UHRF2: variants seen among roughly 807,000 people sequenced by gnomAD.
UHRF2 encodes the protein ubiquitin like with PHD and ring finger domains 2.
A neutral mutation model predicts 96.8 loss-of-function variants in UHRF2; 23 were observed. The observed-to-expected ratio is 0.24, with a 90% CI of 0.17 to 0.34. The LOEUF (loss-of-function observed/expected upper bound fraction) is 0.34, where lower values mean the gene tolerates loss of function less well. Ranked by LOEUF, UHRF2 falls within the 10% of genes least tolerant of loss-of-function variation. The pLI is 1.00. For synonymous variants in UHRF2, 385 were observed against 332.6 expected, an observed-to-expected ratio of 1.16 and a Z score of -1.72; for missense variants, 685 against 981.5, an observed-to-expected ratio of 0.70 and a Z score of 4.04.
At chr9:6,452,797 G>A (rs1358896031) in intron 3 of UHRF2, among the ~76,000 whole-genome samples, 1 of 152,066 alleles carries the variant, frequency 6.6e-6, no homozygotes, top group African/African-American at 2.4e-5. Context: ...GGTGCTTCTG[G>A]GACATTTCAG....
At chr9:6,421,934 G>A (rs1439990168) in intron 2 of UHRF2, among the ~76,000 whole-genome samples, 1 of 152,140 alleles carries the variant, frequency 6.6e-6, no homozygotes, top group Non-Finnish European at 1.5e-5. Context: ...ATATAGCTGT[G>A]TTTTATTCCT....
intron 3 of UHRF2, among the ~76,000 whole-genome samples, chr9:6,441,313 G>A (rs1256246499): frequency 6.6e-6 from 1 of 151,994 alleles, no homozygotes; most frequent in Non-Finnish European, 1.5e-5. Flanking sequence ...GGTGGAGGTT[G>A]CAGTGAGTGA....
In UHRF2 at chr9:6,413,444, G is replaced by C; in HGVS notation, c.-47G>C. 1 of 1,375,212 alleles carries C rather than the reference G, an allele frequency of 7.3e-7. No individual in the cohort carries two copies. The highest frequency in any genetic ancestry group is 2.8e-5 in the East Asian group (1 of 35,120). 85.2% of individuals were successfully genotyped at this position (1,375,212 alleles called of 1,614,324 possible). ...CGGGCCGGGCGGGGCGCGGCGCCCA[G>C]AGCTCAGGGGGAGACAAAGGGGACC... On this transcript the variant is annotated 5_prime_UTR_variant, in exon 1 of 16. Transcript: ENST00000276893.
chr9:6,496,534 A>G (rs916186037), intron 10 of UHRF2: 11 of 152,214 alleles, frequency 7.2e-5, no homozygotes, highest in African/African-American at 2.2e-4. Context: ...TTGACCATGC[A>G]TTAATGCATT....
At chr9:6,424,451 T>C (rs1820124253) in intron 2 of UHRF2, among the ~76,000 whole-genome samples, 1 of 152,260 alleles carries the variant, frequency 6.6e-6, no homozygotes, top group Admixed American at 6.5e-5. Context: ...ATCCACCTTT[T>C]AAATACCAAT....
In UHRF2 at chr9:6,420,953, G is replaced by T; in HGVS notation, c.195G>T (p.Leu65=). The change falls in exon 2 of 16, where the codon CTG becomes CTT. Residue 65 remains leucine, a synonymous_variant. Transcript: ENST00000276893. ...CCTTATTTGATTATGATGTTGGACTGAATGATATAATTCAGCTGCTAGTTC... is the reference window on the plus strand; with the variant it reads ...CCTTATTTGATTATGATGTTGGACTTAATGATATAATTCAGCTGCTAGTTC... ...GYTLFDYDVG[L]NDIIQLLVRP... is the part of the protein sequence containing the mutation. 1 of 1,614,148 alleles carries T rather than the reference G, an allele frequency of 6.2e-7. No individual in the cohort carries two copies. The highest frequency in any genetic ancestry group is 1.1e-5 in the South Asian group (1 of 91,072).
chr9:6,422,677 ACGGCTCGCTGTAGC>A (rs1820001168), intron 2 of UHRF2: 1 of 635,958 alleles, frequency 1.6e-6, no homozygotes, highest in Non-Finnish European at 2.9e-6. Context: ...TGACGTGAAC[ACGGCTCGCTGTAGC>A]CTTGACCTGC....
At chr9:6,443,254 T>C (rs1821286248) in intron 3 of UHRF2, among the ~76,000 whole-genome samples, 1 of 152,244 alleles carries the variant, frequency 6.6e-6, no homozygotes, top group Admixed American at 6.5e-5. Flanking sequence ...AATCCAATAA[T>C]TCTCTTGTTA....
At chr9:6,437,708 C>T (rs952233109) in intron 3 of UHRF2, among the ~76,000 whole-genome samples, 3 of 152,120 alleles carry the variant, frequency 2.0e-5, no homozygotes, top group African/African-American at 7.2e-5. Context: ...ACCTCCACTT[C>T]CTGGTTTCAA....
At chr9:6,505,234 G>C (rs1816520111) in intron 15 of UHRF2, among the ~76,000 whole-genome samples, 1 of 152,028 alleles carries the variant, frequency 6.6e-6, no homozygotes, top group Non-Finnish European at 1.5e-5. Flanking sequence ...CTGATCTTGA[G>C]TTAACTGTAT....
At chr9:6,492,019 C>T (rs1824690579) in intron 9 of UHRF2, among the ~76,000 whole-genome samples, 1 of 152,220 alleles carries the variant, frequency 6.6e-6, no homozygotes, top group African/African-American at 2.4e-5. Flanking sequence ...AGGCATGAAT[C>T]ATTGCGCCTG....
At chr9:6,444,175 C>T (rs1221712817) in intron 3 of UHRF2, among the ~76,000 whole-genome samples, 2 of 152,148 alleles carry the variant, frequency 1.3e-5, no homozygotes, top group Non-Finnish European at 2.9e-5. Flanking sequence ...GTCTTGAGTA[C>T]AGGAGGGAAC....
At chr9:6,487,181 C>A (rs530360384) in intron 9 of UHRF2, among the ~76,000 whole-genome samples, 18 of 104,702 alleles carry the variant, frequency 1.7e-4, no homozygotes, top group African/African-American at 5.7e-4. Context: ...ATTTTTTTTT[C>A]CTTTTTTTTT....
chr9:6,478,561 T>C (rs906754720), intron 6 of UHRF2, among the ~76,000 whole-genome samples: 3 of 152,222 alleles, frequency 2.0e-5, no homozygotes, highest in Non-Finnish European at 4.4e-5. Context: ...AAAGAAGTTA[T>C]TAGAAAAGAG....
chr9:6,498,490 C>T, intron 12 of UHRF2: 1 of 178,720 alleles, frequency 5.6e-6, no homozygotes, highest in Non-Finnish European at 1.2e-5. Context: ...GGACATTTAT[C>T]CTAGAGGGCA....
chr9:6,434,417 G>C, intron 3 of UHRF2: 2 of 355,818 alleles, frequency 5.6e-6, no homozygotes, highest in Middle Eastern at 7.7e-4. Context: ...GGGTGTATGG[G>C]TTTCTGTTTG....
Position 6,413,497 on chromosome 9 carries a change from A to T in UHRF2, c.7A>T (p.Ile3Leu), listed in dbSNP as rs1249293740. 1.3e-6 allele frequency: 2 copies of T among 1,565,526 alleles called. No homozygotes were observed. The highest frequency in any genetic ancestry group is 8.6e-7 in the Non-Finnish European group (1 of 1,156,540). The change falls in exon 1 of 16, where the codon ATA becomes TTA. Residue 3 changes from isoleucine (I) to leucine (L), a missense_variant. Physicochemically the swap from Ile to Leu is conservative, Grantham distance 5. This residue lies in a region of UHRF2 where 38 missense variants were observed against 35.9 expected (regional missense o/e 1.06). Coordinates refer to ENST00000276893, the MANE Select transcript of UHRF2 (RefSeq NM_152896.3). The part of the protein sequence containing the change: MW[I>L]QVRTIDGSKT... ...TTCCTCTCTAGGCGCCAAGATGTGG[A>T]TACAGGTTCGCACCATTGATGGCTC...
intron 5 of UHRF2, 47 bp from the exon 6 acceptor site, chr9:6,477,575 T>G (rs779627563): frequency 2.0e-6 from 3 of 1,504,698 alleles, no homozygotes; most frequent in Non-Finnish European, 2.7e-6. Flanking sequence ...TTCATAGATA[T>G]AAAAAATGTT....
At chr9:6,426,559 TTGACTGG>T (rs1820271965) in intron 2 of UHRF2, among the ~76,000 whole-genome samples, 1 of 152,174 alleles carries the variant, frequency 6.6e-6, no homozygotes, top group Admixed American at 6.5e-5. Flanking sequence ...ATTTGAAATT[TTGACTGG>T]TGCCTTTATA....
Sources: allele counts gnomAD v4.1 joint callset (sites outside exome capture counted in the v4.1 genomes callset), GRCh38; gene constraint gnomAD v4.1.1; regional missense constraint gnomAD v4.1.1; transcripts MANE v1.5; gene names NCBI Gene and HGNC (gene_info 2026-07-23, HGNC 2026-07-21).